LPGAT1: variants seen among roughly 807,000 people sequenced by gnomAD.
LPGAT1 encodes lysophosphatidylglycerol acyltransferase 1, also known as acyl-CoA:lysophosphatidylglycerol acyltransferase 1.
Under a neutral mutation model 47.5 loss-of-function variants are expected in LPGAT1, and 11 were observed. That is an observed-to-expected ratio of 0.23 (90% CI 0.15 to 0.38). The LOEUF is 0.38. Among genes scored for constraint, LPGAT1 ranks in the 10% least tolerant of loss-of-function variants. The probability of loss-of-function intolerance (pLI) is 1.00; values close to 1 mark genes in which losing one functional copy is unlikely to be tolerated. For synonymous variants in LPGAT1, 138 were observed against 144.2 expected (o/e 0.96, Z 0.31); for missense variants, 293 against 439.0 (o/e 0.67, Z 2.97).
chr1:211,796,330 A>AT (rs1659349697), intron 2 of LPGAT1, among the ~76,000 whole-genome samples: 1 of 152,158 alleles, frequency 6.6e-6, no homozygotes. Flanking sequence ...CCTAAATCCA[A>AT]TAAGACTGGA....
Position 211,749,707 on chromosome 1 carries a change from G to T in LPGAT1, c.*192C>A, listed in dbSNP as rs1657094276. On this transcript the variant is annotated 3_prime_UTR_variant, in exon 8 of 8. Transcript: ENST00000366997. The stretch of plus-strand genomic sequence containing the variant: ...TAAAACATGTTCTTAAAATATATTA[G>T]CAGGTCATTATATTACTAATCCTCA... 1.8e-6 allele frequency: 1 copy of T among 562,296 alleles called. No homozygotes were observed. The highest frequency in any genetic ancestry group is 1.9e-5 in the African/African-American group (1 of 51,604). 34.8% of individuals were successfully genotyped at this position (562,296 alleles called of 1,614,324 possible).
chr1:211,766,037 ATCT>A (rs956296097), intron 6 of LPGAT1, among the ~76,000 whole-genome samples: 3 of 152,128 alleles, frequency 2.0e-5, no homozygotes, highest in African/African-American at 7.2e-5. Context: ...TGGGCCATAC[ATCT>A]TCTCCTCCCC....
chr1:211,825,721 G>A (rs1660526366), intron 2 of LPGAT1, among the ~76,000 whole-genome samples: 1 of 152,236 alleles, frequency 6.6e-6, no homozygotes, highest in African/African-American at 2.4e-5. Context: ...AGCACTCTGG[G>A]AGGCCAACGT....
chr1:211,829,005 T>C lies in LPGAT1; in HGVS notation c.238+54A>G, dbSNP rs1354602003. 35 of 1,582,810 alleles carry C rather than the reference T, an allele frequency of 2.2e-5. No homozygotes were observed. In the South Asian group the frequency reaches 3.7e-4, roughly 17 times the overall value. On this transcript the variant is annotated intron_variant, in intron 2 of 7. Transcript: ENST00000366997. ...CCAAAGTGTAATATACATTTAATCA[T>C]GGTTCCTGACAAATTTTTTCTTATG...
intron 6 of LPGAT1, among the ~76,000 whole-genome samples, chr1:211,766,355 A>G (rs1173695038): frequency 6.6e-6 from 1 of 152,146 alleles, no homozygotes; most frequent in Non-Finnish European, 1.5e-5. Flanking sequence ...CTCTTTCTAC[A>G]TATCTTTATA....
chr1:211,794,320 A>G (rs1659261784), intron 2 of LPGAT1, among the ~76,000 whole-genome samples: 1 of 152,146 alleles, frequency 6.6e-6, no homozygotes, highest in Non-Finnish European at 1.5e-5. Flanking sequence ...CTTTTTTGAG[A>G]CAGGATCTTG....
intron 6 of LPGAT1, among the ~76,000 whole-genome samples, chr1:211,756,856 TG>T (rs1657478211): frequency 6.6e-6 from 1 of 150,738 alleles, no homozygotes; most frequent in Admixed American, 6.6e-5. Context: ...GTGTTTGCTT[TG>T]TTTTTTTTTT....
At chr1:211,822,753 G>A (rs1281852276) in intron 2 of LPGAT1, among the ~76,000 whole-genome samples, 1 of 146,530 alleles carries the variant, frequency 6.8e-6, no homozygotes, top group African/African-American at 2.6e-5. Context: ...ACTCCAGCCT[G>A]GGTGACAGAG....
At chr1:211,820,130 C>A (rs1660319674) in intron 2 of LPGAT1, among the ~76,000 whole-genome samples, 1 of 151,994 alleles carries the variant, frequency 6.6e-6, no homozygotes, top group African/African-American at 2.4e-5. Flanking sequence ...TTTAGAGAGG[C>A]AGAAGACTTG....
intron 2 of LPGAT1, among the ~76,000 whole-genome samples, chr1:211,803,912 C>A (rs1293120828): frequency 2.0e-5 from 3 of 151,802 alleles, no homozygotes; most frequent in Admixed American, 6.6e-5. Flanking sequence ...GCATGCATGA[C>A]GAAATACAGC....
intron 6 of LPGAT1, among the ~76,000 whole-genome samples, chr1:211,759,265 T>C (rs1657589439): frequency 6.6e-6 from 1 of 151,812 alleles, no homozygotes; most frequent in Non-Finnish European, 1.5e-5. Flanking sequence ...TTTTACTATT[T>C]TGTTTTGGTT....
intron 6 of LPGAT1, among the ~76,000 whole-genome samples, chr1:211,766,175 C>T (rs1387974969): frequency 6.6e-6 from 1 of 152,110 alleles, no homozygotes; most frequent in Non-Finnish European, 1.5e-5. Flanking sequence ...CCCAGTTCTT[C>T]GGCTTTCAGA....
chr1:211,754,519 G>A (rs1657354297), intron 6 of LPGAT1, among the ~76,000 whole-genome samples: 1 of 151,638 alleles, frequency 6.6e-6, no homozygotes, highest in Admixed American at 6.6e-5. Context: ...TAGGAGAGCA[G>A]GAAGTAAACA....
Position 211,751,050 on chromosome 1 carries a change from T to C in LPGAT1, c.872A>G (p.Asp291Gly), listed in dbSNP as rs756507411. Reference sequence around the variant, plus strand: ...AAGGTCATCAGTCTCCAGGGGTACATCTTTAATTGGAAAGATCCTATTAAG... The same window carrying C: ...AAGGTCATCAGTCTCCAGGGGTACACCTTTAATTGGAAAGATCCTATTAAG... ...HVHYRIFPIKDVPLETDDLTT... is the reference protein window; with the variant it reads ...HVHYRIFPIKGVPLETDDLTT... The change falls in exon 7 of 8, where the codon GAT (aspartate) becomes GGT (glycine). Residue 291 changes from aspartate (D) to glycine (G), a missense_variant. Asp to Gly is a moderately conservative substitution (Grantham distance 94, BLOSUM62 -1). Coordinates refer to ENST00000366997, the MANE Select transcript of LPGAT1 (RefSeq NM_014873.3). 6.2e-7 allele frequency: 1 copy of C among 1,612,016 alleles called. No homozygotes were observed.
chr1:211,804,945 A>C (rs1659698766), intron 2 of LPGAT1, among the ~76,000 whole-genome samples: 1 of 152,246 alleles, frequency 6.6e-6, no homozygotes, highest in African/African-American at 2.4e-5. Flanking sequence ...CACATTGTAG[A>C]AGACATGAAG....
Position 211,747,397 on chromosome 1 carries a change from C to T in LPGAT1, c.*2502G>A, listed in dbSNP as rs779126149. ...AACTCACATATCTATTGGCATTTGTCACCCTGGAGACTGTGAAAATGACAC... is the reference window on the plus strand; with the variant it reads ...AACTCACATATCTATTGGCATTTGTTACCCTGGAGACTGTGAAAATGACAC... On this transcript the variant is annotated 3_prime_UTR_variant, in exon 8 of 8. Coordinates refer to ENST00000366997, the MANE Select transcript of LPGAT1 (RefSeq NM_014873.3). 3.3e-5 allele frequency: 5 copies of T among 152,310 alleles called. No homozygotes were observed. The highest frequency in any genetic ancestry group is 3.4e-3 in the Middle Eastern group (1 of 294). 9.4% of individuals were successfully genotyped at this position (152,310 alleles called of 1,614,324 possible). A position where few individuals can be genotyped will look rare whatever the true frequency, so the allele number is the denominator to read the frequency against.
chr1:211,817,036 A>G (rs763810467), intron 2 of LPGAT1, among the ~76,000 whole-genome samples: 2 of 152,206 alleles, frequency 1.3e-5, no homozygotes, highest in Non-Finnish European at 2.9e-5. Flanking sequence ...AACAAATTCT[A>G]TCCCAACCGT....
intron 6 of LPGAT1, among the ~76,000 whole-genome samples, chr1:211,754,469 C>T (rs1192326505): frequency 1.3e-5 from 2 of 152,170 alleles, no homozygotes; most frequent in Non-Finnish European, 2.9e-5. Context: ...TGTGGGTTTA[C>T]ACCTTTAAAA....
intron 2 of LPGAT1, among the ~76,000 whole-genome samples, chr1:211,796,424 C>T (rs936207294): frequency 6.6e-6 from 1 of 152,086 alleles, no homozygotes; most frequent in Non-Finnish European, 1.5e-5. Flanking sequence ...ATTGAAGTGA[C>T]GCACCTACAA....
Sources: allele counts gnomAD v4.1 joint callset (sites outside exome capture counted in the v4.1 genomes callset), GRCh38; gene constraint gnomAD v4.1.1; transcripts MANE v1.5; gene names NCBI Gene and HGNC (gene_info 2026-07-23, HGNC 2026-07-21).